RYR3: variants seen among roughly 807,000 people sequenced by gnomAD.
The protein encoded by RYR3 is brain ryanodine receptor-calcium release channel.
RYR3 carries 207 observed loss-of-function variants against 584.3 expected under a neutral mutation model. That is an observed-to-expected ratio of 0.35 (90% CI 0.32 to 0.40). The LOEUF is 0.40. Among genes scored for constraint, RYR3 ranks in the 10% least tolerant of loss-of-function variants. The pLI is 1.00. For missense variants in RYR3, 5,616 were observed against 6,089.2 expected (o/e 0.92, Z 2.59); for synonymous variants, 2,416 against 2,248.5 (o/e 1.07, Z -2.11).
chr15:33,764,493 G>A (rs1421076571), intron 60 of RYR3, among the ~76,000 whole-genome samples: 1 of 151,914 alleles, frequency 6.6e-6, no homozygotes, highest in Non-Finnish European at 1.5e-5. Context: ...AGGTTGATGG[G>A]TGCAGCAAAC....
intron 2 of RYR3, among the ~76,000 whole-genome samples, chr15:33,499,685 A>G (rs2051779784): frequency 6.6e-6 from 1 of 152,332 alleles, no homozygotes; most frequent in East Asian, 1.9e-4. Flanking sequence ...AGGTACTATT[A>G]TATCTCCATT....
At chr15:33,446,594 C>G (rs988232200) in intron 1 of RYR3, among the ~76,000 whole-genome samples, 1 of 152,184 alleles carries the variant, frequency 6.6e-6, no homozygotes, top group Non-Finnish European at 1.5e-5. Flanking sequence ...ATCTCTTCTT[C>G]TAAAGACACC....
At chr15:33,363,466 A>G (rs1975048018) in intron 1 of RYR3, among the ~76,000 whole-genome samples, 1 of 152,224 alleles carries the variant, frequency 6.6e-6, no homozygotes. Flanking sequence ...GCAGATTCTA[A>G]CTAGTGGCAT....
intron 38 of RYR3, among the ~76,000 whole-genome samples, chr15:33,687,287 A>C (rs531760055): frequency 6.6e-6 from 1 of 152,362 alleles, no homozygotes; most frequent in South Asian, 2.1e-4. Context: ...ACAAACAGCC[A>C]AATCATGAGT....
At chr15:33,553,848 T>C (rs1595564703) in intron 10 of RYR3, among the ~76,000 whole-genome samples, 1 of 152,216 alleles carries the variant, frequency 6.6e-6, no homozygotes, top group East Asian at 1.9e-4. Flanking sequence ...TGCACCTCAT[T>C]TGAAGTCTGT....
intron 42 of RYR3, among the ~76,000 whole-genome samples, chr15:33,701,740 C>A (rs1394137191): frequency 6.6e-6 from 1 of 151,970 alleles, no homozygotes; most frequent in Non-Finnish European, 1.5e-5. Flanking sequence ...GAAAAGGGCA[C>A]CTGAGCCTGA....
intron 1 of RYR3, among the ~76,000 whole-genome samples, chr15:33,464,489 T>TATATATATATATATACACACACAC (rs1450450145): frequency 1.3e-4 from 9 of 67,450 alleles, no homozygotes; most frequent in African/African-American, 5.8e-4. Context: ...TATATATATA[T>TATATATATATATATACACACACAC]ACACATATAT....
chr15:33,352,697 A>T (rs1229997097), intron 1 of RYR3, among the ~76,000 whole-genome samples: 1 of 152,232 alleles, frequency 6.6e-6, no homozygotes, highest in Non-Finnish European at 1.5e-5. Context: ...ATTCACAAGC[A>T]AAAGTTTTAC....
At chr15:33,750,829 T>C (rs182886043) in intron 57 of RYR3, among the ~76,000 whole-genome samples, 5 of 152,292 alleles carry the variant, frequency 3.3e-5, no homozygotes, top group Admixed American at 6.5e-5. Context: ...CCCATTAACC[T>C]GTCATCTACA....
At position 33,603,170 on chromosome 15, in the gene RYR3, A is replaced by G. The variant is rs2059755502; in HGVS notation, c.1970A>G (p.Tyr657Cys). Residue 657 changes from tyrosine to cysteine, a missense_variant, in exon 18 of 104, where the codon TAC becomes TGC. This residue lies in a region of RYR3 where 1,284 missense variants were observed against 1,344.6 expected (regional missense o/e 0.95). Transcript: ENST00000634891. ...FLGVAEGSAQYKKWYFELIID... is the reference protein window; with the variant it reads ...FLGVAEGSAQCKKWYFELIID... ...GGAGTCGCGGAGGGCTCAGCCCAGT[A>G]CAAGAAGTGGTACTTCGAGCTGATT... is the stretch of plus-strand genomic sequence containing the variant. 1 of 1,613,942 alleles carries G rather than the reference A, an allele frequency of 6.2e-7. No individual in the cohort carries two copies.
chr15:33,330,791 G>A (rs192206195), intron 1 of RYR3, among the ~76,000 whole-genome samples: 39 of 152,172 alleles, frequency 2.6e-4, no homozygotes, highest in Admixed American at 7.2e-4. Flanking sequence ...AATCCCCTTC[G>A]TCAGTCTTAT....
intron 1 of RYR3, among the ~76,000 whole-genome samples, chr15:33,355,518 A>G (rs1232634192): frequency 1.3e-5 from 2 of 152,240 alleles, no homozygotes; most frequent in Non-Finnish European, 2.9e-5. Flanking sequence ...GACATCGCTA[A>G]TAAGCATCAG....
At chr15:33,796,047 T>C (rs1324698168) in intron 67 of RYR3, among the ~76,000 whole-genome samples, 3 of 152,230 alleles carry the variant, frequency 2.0e-5, no homozygotes, top group African/African-American at 7.2e-5. Context: ...AAAAAGCTCT[T>C]ACCTCCAAAG....
chr15:33,370,062 T>G (rs552377158), intron 1 of RYR3, among the ~76,000 whole-genome samples: 1 of 152,370 alleles, frequency 6.6e-6, no homozygotes, highest in Admixed American at 6.5e-5. Flanking sequence ...TAAATGTTTC[T>G]GTGCTATTAA....
intron 43 of RYR3, among the ~76,000 whole-genome samples, chr15:33,717,940 T>G (rs1320534049): frequency 6.6e-6 from 1 of 152,190 alleles, no homozygotes; most frequent in Non-Finnish European, 1.5e-5. Context: ...ATATCTCCAG[T>G]CCATCCCTTC....
intron 1 of RYR3, among the ~76,000 whole-genome samples, chr15:33,472,153 C>T (rs186079927): frequency 6.6e-6 from 1 of 152,334 alleles, no homozygotes; most frequent in Non-Finnish European, 1.5e-5. Flanking sequence ...GCTAGTAAAA[C>T]TGTGGAGCTA....
chr15:33,591,135 T>C (rs145362280), intron 16 of RYR3, among the ~76,000 whole-genome samples: 5 of 152,294 alleles, frequency 3.3e-5, no homozygotes, highest in African/African-American at 1.2e-4. Context: ...CACTTCCTAC[T>C]TTTCCAGGAC....
intron 73 of RYR3, among the ~76,000 whole-genome samples, chr15:33,813,230 T>G (rs1271030826): frequency 1.3e-5 from 2 of 152,174 alleles, no homozygotes; most frequent in East Asian, 3.9e-4. Context: ...ATGCCCTATT[T>G]AAGTCCACTA....
chr15:33,789,765 C>T (rs1208277563), intron 67 of RYR3, among the ~76,000 whole-genome samples: 2 of 132,184 alleles, frequency 1.5e-5, no homozygotes, highest in Non-Finnish European at 3.2e-5. Context: ...AGCTCCGCCT[C>T]CTGGGCTCAT....
Sources: allele counts gnomAD v4.1 joint callset (sites outside exome capture counted in the v4.1 genomes callset), GRCh38; gene constraint gnomAD v4.1.1; regional missense constraint gnomAD v4.1.1; transcripts MANE v1.5; gene names NCBI Gene and HGNC (gene_info 2026-07-23, HGNC 2026-07-21).